PEX5: variants seen among roughly 807,000 people sequenced by gnomAD.
PEX5 encodes the protein PTS1 receptor.
Under a neutral mutation model 82.9 loss-of-function variants are expected in PEX5, and 52 were observed. The ratio of observed to expected loss-of-function variants is 0.63; its 90% CI spans 0.50 to 0.79. The LOEUF is 0.79. Among genes scored for constraint, PEX5 ranks in the 30% least tolerant of loss-of-function variants. PEX5 has a pLI of 0.00. For missense variants in PEX5, 719 were observed against 815.2 expected, an observed-to-expected ratio of 0.88 and a Z score of 1.44; for synonymous variants, 300 against 318.8, an observed-to-expected ratio of 0.94 and a Z score of 0.63.
At chr12:7,192,006 A>C (rs1941234667) in intron 5 of PEX5, among the ~76,000 whole-genome samples, 3 of 152,216 alleles carry the variant, frequency 2.0e-5, no homozygotes, top group African/African-American at 7.2e-5. Context: ...AGTGTTGCCG[A>C]GGAAGAGAGT....
chr12:7,200,173 C>T lies in PEX5; in HGVS notation c.551+1060C>T, dbSNP rs1377708289. 6.2e-5 allele frequency among the ~76,000 whole-genome samples: 9 copies of T among 146,266 alleles called. 1 individual carries two copies. Among genetic ancestry groups the T allele is most frequent in the East Asian group, 2.3e-4 (1 of 4,442 alleles). Reference sequence around the variant, plus strand: ...GCAGAGGGTCTCCTCACTTCTCAGACGGGGCGGCCGGGCAGAGACGCTCCT... The same window carrying T: ...GCAGAGGGTCTCCTCACTTCTCAGATGGGGCGGCCGGGCAGAGACGCTCCT... On this transcript the variant is annotated intron_variant, in intron 6 of 15. Coordinates refer to ENST00000675855, the MANE Select transcript of PEX5 (RefSeq NM_001351132.2).
chr12:7,210,369 G>A lies in PEX5; in HGVS notation c.*146G>A. The stretch of plus-strand genomic sequence containing the variant: ...TCAGGAGCTGCCTCAACGTAGGGGT[G>A]GGTAGTCTGTGTTCTAGTTCCTACA... On this transcript the variant is annotated 3_prime_UTR_variant, in exon 16 of 16. Coordinates refer to ENST00000675855, the MANE Select transcript of PEX5 (RefSeq NM_001351132.2). 1 of 729,984 alleles carries A rather than the reference G, an allele frequency of 1.4e-6. No individual in the cohort carries two copies. Among genetic ancestry groups the A allele is most frequent in the Non-Finnish European group, 2.4e-6 (1 of 410,060 alleles). 45.2% of individuals were successfully genotyped at this position (729,984 alleles called of 1,614,324 possible).
At chr12:7,196,332 TTA>T (rs1237804284) in intron 5 of PEX5, among the ~76,000 whole-genome samples, 107 of 133,878 alleles carry the variant, frequency 8.0e-4, no homozygotes, top group Middle Eastern at 0.011. Context: ...ATGTCATAAT[TTA>T]TATATGTCAT....
At position 7,209,937 on chromosome 12, in the gene PEX5, A is replaced by G. The variant is rs1401735115; in HGVS notation, c.1719-85A>G. 2.5e-6 allele frequency: 4 copies of G among 1,595,114 alleles called. No individual in the cohort carries two copies. In the Admixed American group the frequency reaches 6.8e-5, roughly 27 times the overall value. On this transcript the variant is annotated intron_variant, in intron 15 of 15. Transcript: ENST00000675855. ...AGATCCTGTTTGACTAACCAGCCCT[A>G]GCTTTCTCCCTCCCACTGCTAGCTG...
chr12:7,197,144 A>ATTATATGTCATATATAATG (rs1942612575), intron 5 of PEX5, among the ~76,000 whole-genome samples: 1 of 5,686 alleles, frequency 1.8e-4, no homozygotes, highest in African/African-American at 2.4e-4. Context: ...ATATAATGTA[A>ATTATATGTCATATATAATG]TAATTATATA....
rs76494570 is a variant in PEX5, at chr12:7,192,220, C to G, written c.448+520C>G. Among the ~76,000 whole-genome samples the G allele has an allele frequency of 4.8e-3, 737 of 152,286 alleles. 7 individuals are homozygous for G. The highest frequency in any genetic ancestry group is 0.015 in the African/African-American group (637 of 41,542). Reference sequence around the variant, plus strand: ...GCTTTGAATGCATTATCTACTTACTCTCCATGAGAACCCTAGAGGTAGTTA... The same window carrying G: ...GCTTTGAATGCATTATCTACTTACTGTCCATGAGAACCCTAGAGGTAGTTA... On this transcript the variant is annotated intron_variant, in intron 5 of 15. Coordinates refer to ENST00000675855, the MANE Select transcript of PEX5 (RefSeq NM_001351132.2).
upstream of PEX5, chr12:7,189,305 G>T (rs1370504044): frequency 6.6e-6 from 1 of 152,288 alleles, no homozygotes; most frequent in Non-Finnish European, 1.5e-5. Context: ...ATTTTAGAGG[G>T]GAAAACTGAG....
chr12:7,208,632 G>A lies in PEX5; in HGVS notation c.1357G>A (p.Gly453Ser), dbSNP rs1190413911. ...AGAAGGGGCTGGTGGGGCAGGACTG[G>A]GCCCCAGCAAGCGTATCCTGGGATC... ...AEEGAGGAGL[G>S]PSKRILGSLL... Residue 453 changes from glycine (G) to serine (S), a missense_variant, in exon 13 of 16, where the codon GGC becomes AGC. Transcript: ENST00000675855. The A allele has an allele frequency of 6.2e-6, 10 of 1,613,850 alleles. No individual in the cohort carries two copies. The highest frequency in any genetic ancestry group is 1.3e-5 in the African/African-American group (1 of 74,902).
intron 6 of PEX5, among the ~76,000 whole-genome samples, chr12:7,199,827 CGGGGGGCTG>C (rs1565695704): frequency 6.0e-5 from 8 of 133,036 alleles, no homozygotes; most frequent in South Asian, 2.6e-4. Context: ...GCTGGCCGGG[CGGGGGGCTG>C]ACCCCCACCT....
At chr12:7,197,205 T>A (rs1180043394) in intron 5 of PEX5, among the ~76,000 whole-genome samples, 4 of 103,600 alleles carry the variant, frequency 3.9e-5, no homozygotes, top group South Asian at 3.5e-4. Flanking sequence ...ATTATATATG[T>A]CATATATAAT....
At chr12:7,201,420 T>C (rs1370031084) in intron 6 of PEX5, among the ~76,000 whole-genome samples, 1 of 152,184 alleles carries the variant, frequency 6.6e-6, no homozygotes, top group Non-Finnish European at 1.5e-5. Flanking sequence ...TATATATATA[T>C]TTTTCAAGAA....
Position 7,210,232 on chromosome 12 carries a change from C to A in PEX5, c.*9C>A. The A allele has an allele frequency of 6.2e-7, 1 of 1,613,264 alleles. No homozygotes were observed. The highest frequency in any genetic ancestry group is 1.3e-5 in the African/African-American group (1 of 75,026). On this transcript the variant is annotated 3_prime_UTR_variant, in exon 16 of 16. Transcript: ENST00000675855. ...TTGGCCTGCCCCAGTGACAGTGGGACGGGCTGCCCTGTGAGTGTCCACCTG... is the reference window on the plus strand; with the variant it reads ...TTGGCCTGCCCCAGTGACAGTGGGAAGGGCTGCCCTGTGAGTGTCCACCTG...
chr12:7,203,595 C>A, intron 10 of PEX5, 44 bp downstream of exon 10: 1 of 1,581,962 alleles, frequency 6.3e-7, no homozygotes. Context: ...GAACTTCCTT[C>A]TTTTTAACGT....
At chr12:7,208,346 G>C (rs1357640899) in intron 12 of PEX5, 111 bp from the exon 13 acceptor site, 2 of 810,650 alleles carry the variant, frequency 2.5e-6, no homozygotes, top group African/African-American at 1.7e-5. Context: ...GGAGTCACAG[G>C]TGAGGCCATT....
In PEX5 at chr12:7,203,195, ACTGC is replaced by A. The variant is rs1312373758; in HGVS notation, c.847-236_847-233del. 1.2e-3 allele frequency among the ~76,000 whole-genome samples: 15 copies of A among 12,324 alleles called. 5 individuals carry two copies. The highest frequency in any genetic ancestry group is 4.9e-3 in the Non-Finnish European group (15 of 3,046). 8.1% of individuals were successfully genotyped at this position (12,324 alleles called of 152,430 possible). A position where few individuals can be genotyped will look rare whatever the true frequency, so the allele number is the denominator to read the frequency against. ...TAAACTAAACTATGCACTGCACTGC[ACTGC>A]ACTGCACTGCACTGCACTGCACTAC... On this transcript the variant is annotated intron_variant, in intron 9 of 15. Coordinates refer to ENST00000675855, the MANE Select transcript of PEX5 (RefSeq NM_001351132.2).
At chr12:7,193,638 C>G (rs763296351) in intron 5 of PEX5, among the ~76,000 whole-genome samples, 1 of 152,206 alleles carries the variant, frequency 6.6e-6, no homozygotes, top group Non-Finnish European at 1.5e-5. Flanking sequence ...GACTTAAGTG[C>G]TATCTCTTAT....
At chr12:7,199,411 A>G (rs4592497) in intron 6 of PEX5, among the ~76,000 whole-genome samples, 27 of 143,904 alleles carry the variant, frequency 1.9e-4, no homozygotes, top group East Asian at 1.0e-3. Context: ...TGACTCTTAA[A>G]GAGCATGCTG....
At chr12:7,213,481 T>C (rs1945685299), downstream of PEX5, among the ~76,000 whole-genome samples, 1 of 122,092 alleles carries the variant, frequency 8.2e-6, no homozygotes, top group African/African-American at 3.0e-5. Flanking sequence ...GGGGAAAGGA[T>C]TCCCTATTTA....
intron 10 of PEX5, among the ~76,000 whole-genome samples, chr12:7,206,931 C>T (rs778142049): frequency 6.6e-6 from 1 of 152,290 alleles, no homozygotes; most frequent in Non-Finnish European, 1.5e-5. Flanking sequence ...CTCATTTCTT[C>T]TCTGCCTAGT....
Sources: allele counts gnomAD v4.1 joint callset (sites outside exome capture counted in the v4.1 genomes callset), GRCh38; gene constraint gnomAD v4.1.1; transcripts MANE v1.5; gene names NCBI Gene and HGNC (gene_info 2026-07-23, HGNC 2026-07-21).